Variants in SLC4A4 observed in about 807,000 individuals in gnomAD.
The protein encoded by SLC4A4 is solute carrier family 4 member 4, also known as electrogenic sodium bicarbonate cotransporter 1.
Under a neutral mutation model 111.5 loss-of-function variants are expected in SLC4A4, and 27 were observed. The observed-to-expected ratio is 0.24, with a 90% confidence interval of 0.18 to 0.33. The LOEUF (loss-of-function observed/expected upper bound fraction) is 0.33. SLC4A4 is among the 10% of genes least tolerant of loss of function. SLC4A4 has a pLI of 1.00. For missense variants in SLC4A4, 909 were observed against 1,315.5 expected, an observed-to-expected ratio of 0.69 and a Z score of 4.78; for synonymous variants, 443 against 463.4, an observed-to-expected ratio of 0.96 and a Z score of 0.57.
intron 2 of SLC4A4, among the ~76,000 whole-genome samples, chr4:71,097,116 C>T (rs1334215760): frequency 1.3e-5 from 2 of 152,156 alleles, no homozygotes; most frequent in African/African-American, 4.8e-5. Context: ...ATTATTTCAT[C>T]ACCCAGGTAC....
chr4:71,187,570 G>T (rs539345819), intron 1 of SLC4A4, among the ~76,000 whole-genome samples, 169 bp downstream of exon 1: 7 of 152,330 alleles, frequency 4.6e-5, no homozygotes, highest in African/African-American at 1.7e-4. Flanking sequence ...CCTGAGCTGG[G>T]CGCGGGCGGT....
intron 1 of SLC4A4, among the ~76,000 whole-genome samples, chr4:71,063,133 G>A (rs931049799): frequency 6.6e-6 from 1 of 152,094 alleles, no homozygotes; most frequent in Non-Finnish European, 1.5e-5. Flanking sequence ...GAATTTTAAT[G>A]GTAAAGAAGT....
chr4:71,317,062 TTG>T (rs1208445779), intron 3 of SLC4A4, among the ~76,000 whole-genome samples: 13 of 104,906 alleles, frequency 1.2e-4, no homozygotes, highest in Middle Eastern at 4.3e-3. Flanking sequence ...TGTAACAGGG[TTG>T]TGTGTGTGTG....
chr4:71,404,204 G>A (rs958486781), intron 7 of SLC4A4, among the ~76,000 whole-genome samples: 18 of 152,210 alleles, frequency 1.2e-4, no homozygotes, highest in African/African-American at 4.3e-4. Flanking sequence ...TGTTATTACT[G>A]TTGGCTAACA....
intron 2 of SLC4A4, among the ~76,000 whole-genome samples, chr4:71,152,928 T>C (rs113038214): frequency 0.061 from 9,223 of 150,096 alleles, 905 homozygotes; most frequent in African/African-American, 0.21. Context: ...GACTGGTATA[T>C]ATCACATATA....
chr4:71,111,018 G>A (rs1025598051), intron 2 of SLC4A4, among the ~76,000 whole-genome samples: 3 of 152,150 alleles, frequency 2.0e-5, no homozygotes, highest in African/African-American at 4.8e-5. Context: ...GAAGTAGCTT[G>A]TCAGGTTCCA....
chr4:71,144,392 C>T (rs918205084), intron 2 of SLC4A4, among the ~76,000 whole-genome samples: 1 of 152,200 alleles, frequency 6.6e-6, no homozygotes, highest in Admixed American at 6.5e-5. Flanking sequence ...ATGCCTCCAG[C>T]TTTGTTCTTT....
At chr4:71,380,733 T>C (rs1560457326) in intron 6 of SLC4A4, among the ~76,000 whole-genome samples, 1 of 152,148 alleles carries the variant, frequency 6.6e-6, no homozygotes, top group Non-Finnish European at 1.5e-5. Context: ...ACTCAGTTAG[T>C]TGGGGGGAAC....
At chr4:71,227,237 G>A (rs1719107276) in intron 1 of SLC4A4, among the ~76,000 whole-genome samples, 2 of 152,174 alleles carry the variant, frequency 1.3e-5, no homozygotes, top group Non-Finnish European at 2.9e-5. Flanking sequence ...AGAGGAAATA[G>A]CATGTACACG....
intron 3 of SLC4A4, among the ~76,000 whole-genome samples, chr4:71,259,211 T>C (rs950573823): frequency 1.3e-5 from 2 of 152,230 alleles, no homozygotes; most frequent in African/African-American, 4.8e-5. Flanking sequence ...ATTAAGGAGA[T>C]GGCATAATTA....
chr4:71,461,894 C>T (rs187644959), intron 12 of SLC4A4, among the ~76,000 whole-genome samples: 7 of 152,178 alleles, frequency 4.6e-5, no homozygotes, highest in African/African-American at 1.7e-4. Flanking sequence ...TTGACTTGCA[C>T]GTGATGCAAA....
chr4:71,490,820 G>A (rs1729832719), intron 15 of SLC4A4, among the ~76,000 whole-genome samples: 1 of 151,720 alleles, frequency 6.6e-6, no homozygotes. Context: ...ACCCCAGTCT[G>A]CATGTAGCCA....
intron 14 of SLC4A4, among the ~76,000 whole-genome samples, chr4:71,482,474 G>T (rs1480132624): frequency 6.6e-6 from 1 of 151,542 alleles, no homozygotes; most frequent in Non-Finnish European, 1.5e-5. Flanking sequence ...AGTTCAGATT[G>T]CAATCCTATT....
intron 3 of SLC4A4, 36 bp downstream of exon 3, chr4:71,255,435 C>T (rs752057304): frequency 6.2e-7 from 1 of 1,604,434 alleles, no homozygotes; most frequent in Non-Finnish European, 8.5e-7. Context: ...CTCTCTCTGC[C>T]TCACTCCCAC....
In SLC4A4 at chr4:71,391,093, A is replaced by G. The variant is rs1719213904; in HGVS notation, c.731-6484A>G. Among the ~76,000 whole-genome samples the G allele has an allele frequency of 2.0e-5, 3 of 152,136 alleles. 1 individual carries two copies. Among genetic ancestry groups the G allele is most frequent in the African/African-American group, 7.2e-5 (3 of 41,452 alleles). On this transcript the variant is annotated intron_variant, in intron 6 of 25. Transcript: ENST00000264485. Reference sequence around the variant, plus strand: ...CAATGTGGGTGTAGAAAACATTAACATACATTATTCTGAAATGACATTTAT... The same window carrying G: ...CAATGTGGGTGTAGAAAACATTAACGTACATTATTCTGAAATGACATTTAT...
At chr4:71,072,636 T>G (rs531559774) in intron 1 of SLC4A4, among the ~76,000 whole-genome samples, 4 of 152,276 alleles carry the variant, frequency 2.6e-5, no homozygotes, top group Non-Finnish European at 5.9e-5. Flanking sequence ...ATATTTTTAT[T>G]GGGATTACAT....
chr4:71,508,911 A>T (rs1578073860), intron 16 of SLC4A4, among the ~76,000 whole-genome samples: 1 of 152,208 alleles, frequency 6.6e-6, no homozygotes, highest in South Asian at 2.1e-4. Flanking sequence ...CACCACGATC[A>T]AGTAGGCTTC....
intron 6 of SLC4A4, among the ~76,000 whole-genome samples, chr4:71,362,588 G>A (rs1412687873): frequency 1.3e-5 from 2 of 152,222 alleles, no homozygotes; most frequent in East Asian, 3.8e-4. Flanking sequence ...AGCAGATATA[G>A]TGCTGATTTA....
intron 18 of SLC4A4, among the ~76,000 whole-genome samples, chr4:71,543,349 G>T (rs1346386108): frequency 6.6e-6 from 1 of 152,094 alleles, no homozygotes. Flanking sequence ...TCACATTGGT[G>T]ATTTTCCCTT....
Sources: gnomAD v4.1 joint callset for allele counts (sites outside exome capture counted in the v4.1 genomes callset) on GRCh38, gnomAD v4.1.1 for gene constraint, MANE v1.5 for transcripts, NCBI Gene and HGNC (gene_info 2026-07-23, HGNC 2026-07-21) for gene names.